Variants in RADX observed in about 807,000 individuals in gnomAD.
The protein encoded by RADX is RPA1 related single stranded DNA binding protein, X-linked.
A neutral mutation model predicts 61.6 loss-of-function variants in RADX; 36 were observed. That is an observed-to-expected ratio of 0.58 (90% CI 0.45 to 0.77). RADX has a LOEUF of 0.77. RADX is among the 30% of genes least tolerant of loss of function. RADX has a pLI of 0.00. For synonymous variants in RADX, 272 were observed against 237.9 expected, an observed-to-expected ratio of 1.14 and a Z score of -1.32; for missense variants, 497 against 651.1, an observed-to-expected ratio of 0.76 and a Z score of 2.58.
chrX:106,652,238 A>G (rs780518358), intron 11 of RADX, among the ~76,000 whole-genome samples: 54 of 111,285 alleles, frequency 4.9e-4, no homozygotes, highest in Non-Finnish European at 9.2e-4. Context: ...ACTTGAGCCC[A>G]GGAGTTTGAG....
intron 2 of RADX, among the ~76,000 whole-genome samples, chrX:106,624,591 C>G (rs1927034967): frequency 9.0e-6 from 1 of 111,468 alleles, no homozygotes; most frequent in African/African-American, 3.3e-5. Context: ...TACCTATGTT[C>G]CAGGCACATA....
chrX:106,648,351 A>G lies in RADX; in HGVS notation c.1943A>G (p.Lys648Arg). ...VPQPGASVQT[K>R]GIKPGMPSIF... ...CAACCAGGAGCTTCTGTACAAACAAAGGGAATTAAACCGGGCATGCCAAGC... is the reference window on the plus strand; with the variant it reads ...CAACCAGGAGCTTCTGTACAAACAAGGGGAATTAAACCGGGCATGCCAAGC... The change falls in exon 11 of 14, where the codon AAG (lysine) becomes AGG (arginine). Residue 648 changes from lysine to arginine, a missense_variant. By Grantham distance (26) the Lys-to-Arg change is conservative. Around this residue, in one of 3 missense-constraint regions of RADX, gnomAD observed 267 missense variants for 306.9 expected, o/e 0.87. Transcript: ENST00000372548. The G allele has an allele frequency of 8.3e-7, 1 of 1,200,396 alleles. No individual in the cohort carries two copies. Among genetic ancestry groups the G allele is most frequent in the East Asian group, 3.0e-5 (1 of 33,645 alleles).
intron 12 of RADX, among the ~76,000 whole-genome samples, chrX:106,665,999 T>C (rs1337120625): frequency 9.0e-6 from 1 of 111,358 alleles, no homozygotes; most frequent in Non-Finnish European, 1.9e-5. Flanking sequence ...AATCAATAGA[T>C]TATAACCATT....
At chrX:106,615,704 C>G (rs1926785959) in intron 1 of RADX, among the ~76,000 whole-genome samples, 1 of 104,164 alleles carries the variant, frequency 9.6e-6, no homozygotes, top group South Asian at 4.1e-4. Flanking sequence ...ATCCACAACT[C>G]TTTTTTTTTT....
chrX:106,641,392 T>C (rs113189035), intron 10 of RADX, among the ~76,000 whole-genome samples: 12,020 of 110,386 alleles, frequency 0.11, 1,624 homozygotes, highest in African/African-American at 0.38. Flanking sequence ...TCATCTAAAT[T>C]TCATATGGAT....
At chrX:106,633,845 A>G (rs1419210203) in intron 6 of RADX, among the ~76,000 whole-genome samples, 1 of 111,770 alleles carries the variant, frequency 8.9e-6, no homozygotes, top group African/African-American at 3.2e-5. Context: ...TTTATTTGAA[A>G]TTATTTTAGG....
Position 106,612,370 on chromosome X carries a change from T to C in RADX, c.290T>C (p.Val97Ala). Residue 97 changes from valine to alanine, a missense_variant, in exon 1 of 14, where the codon GTG (valine) becomes GCG (alanine). Val to Ala is a moderately conservative substitution (Grantham distance 64). Coordinates refer to ENST00000372548, the MANE Select transcript of RADX (RefSeq NM_018015.6). The stretch of plus-strand genomic sequence containing the variant: ...AAGCCTCCCCTTTATTGCTATGATG[T>C]GACGATCTCAGATGGGGTGTACCAG... ...VPKPPLYCYDVTISDGVYQEK... is the reference protein window; with the variant it reads ...VPKPPLYCYDATISDGVYQEK... 1 of 1,211,809 alleles carries C rather than the reference T, an allele frequency of 8.3e-7. No individual in the cohort carries two copies.
chrX:106,646,565 T>C (rs754139937), intron 10 of RADX, among the ~76,000 whole-genome samples: 2 of 111,336 alleles, frequency 1.8e-5, no homozygotes, highest in African/African-American at 6.5e-5. Flanking sequence ...AGTACTGTAA[T>C]AGCATATACA....
intron 7 of RADX, among the ~76,000 whole-genome samples, chrX:106,636,905 G>C (rs1050722325): frequency 6.3e-5 from 7 of 111,346 alleles, no homozygotes; most frequent in African/African-American, 2.0e-4. Context: ...TTTAATTCCT[G>C]CTTGGCATAG....
In RADX at chrX:106,678,393, G is replaced by A. The variant is rs1282102794; in HGVS notation, c.*135G>A. 9.5e-6 allele frequency: 4 copies of A among 422,408 alleles called. No individual in the cohort carries two copies. In the East Asian group the frequency reaches 1.1e-4, roughly 12 times the overall value. The allele number at this position is 422,408 out of a possible 1,213,427, so 34.8% of individuals were successfully genotyped here. On this transcript the variant is annotated 3_prime_UTR_variant, in exon 14 of 14. Coordinates refer to ENST00000372548, the MANE Select transcript of RADX (RefSeq NM_018015.6). ...CTCTAAAGTTATTAAGCAGTTTTAT[G>A]TTCGTTTTGTGTTTAGGGAGCTTTT...
intron 9 of RADX, 189 bp from the exon 10 acceptor site, chrX:106,640,363 G>T (rs1299565152): frequency 2.1e-5 from 7 of 330,671 alleles, no homozygotes; most frequent in Non-Finnish European, 3.7e-5. Flanking sequence ...ACTTTTGTTT[G>T]TCTTCCTTTT....
chrX:106,662,158 C>T lies in RADX; in HGVS notation c.2122C>T (p.Arg708Trp), dbSNP rs775530156. The T allele has an allele frequency of 5.8e-6, 7 of 1,210,518 alleles. No homozygotes were observed. The highest frequency in any genetic ancestry group is 5.6e-6 in the Non-Finnish European group (5 of 895,081). Residue 708 changes from arginine to tryptophan, a missense_variant, in exon 12 of 14, where the codon CGG (arginine) becomes TGG (tryptophan). By Grantham distance (101) the Arg-to-Trp change is moderately radical. Transcript: ENST00000372548. ...CCGTGTTTATCCTGAAAGTATTCCA[C>T]GGAAATTTATGTTTGAACACAGAAA... ...YSRVYPESIPRKFMFEHRKFL... is the reference protein window; with the variant it reads ...YSRVYPESIPWKFMFEHRKFL...
intron 12 of RADX, 145 bp from the exon 13 acceptor site, chrX:106,669,018 A>G: frequency 2.0e-6 from 1 of 502,526 alleles, no homozygotes; most frequent in South Asian, 3.1e-5. Flanking sequence ...TTGCAATACT[A>G]GGAGTTTAGT....
intron 3 of RADX, among the ~76,000 whole-genome samples, chrX:106,630,401 A>G (rs760290439): frequency 2.1e-4 from 23 of 110,745 alleles, no homozygotes; most frequent in Non-Finnish European, 2.5e-4. Context: ...ACCAAACGGC[A>G]AACACAATTC....
rs1250154668 is a variant in RADX at position 106,625,141 on chromosome X, A to C, written c.838A>C (p.Asn280His). ...AGGCACAGTGTCAGTGATTATGTGG[A>C]ATGCCCTGTGTCCTGAGTGGTATAA... Reference protein sequence around the residue: ...SSGTVSVIMWNALCPEWYKSL... With the variant: ...SSGTVSVIMWHALCPEWYKSL... The change falls in exon 3 of 14, where the codon AAT becomes CAT. Residue 280 changes from asparagine to histidine, a missense_variant. Transcript: ENST00000372548. The C allele has an allele frequency of 2.5e-6, 3 of 1,204,724 alleles. No individual in the cohort carries two copies. Among genetic ancestry groups the C allele is most frequent in the Non-Finnish European group, 3.4e-6 (3 of 892,464 alleles).
At chrX:106,642,263 C>T (rs1310308861) in intron 10 of RADX, among the ~76,000 whole-genome samples, 1 of 111,119 alleles carries the variant, frequency 9.0e-6, no homozygotes, top group Non-Finnish European at 1.9e-5. Context: ...AATCAAATTA[C>T]ACTCTTTTAG....
chrX:106,674,662 T>C (rs1928458565), intron 13 of RADX, among the ~76,000 whole-genome samples: 1 of 112,288 alleles, frequency 8.9e-6, no homozygotes, highest in Non-Finnish European at 1.9e-5. Context: ...TTGGGTGATG[T>C]TGATATGGCT....
chrX:106,620,306 A>G (rs1926914301), intron 1 of RADX, among the ~76,000 whole-genome samples: 4 of 111,494 alleles, frequency 3.6e-5, no homozygotes, highest in Admixed American at 9.5e-5. Context: ...ATAATTATAC[A>G]TATCAGTTTA....
In RADX at chrX:106,662,273, G is replaced by A. The variant is rs757628984; in HGVS notation, c.2237G>A (p.Arg746Gln). 1.7e-5 allele frequency: 20 copies of A among 1,207,303 alleles called. No individual in the cohort carries two copies. Among genetic ancestry groups the A allele is most frequent in the South Asian group, 5.3e-5 (3 of 56,460 alleles). Residue 746 changes from arginine to glutamine, a missense_variant, in exon 12 of 14, where the codon CGA becomes CAA. Around this residue, in one of 3 missense-constraint regions of RADX, gnomAD observed 267 missense variants for 306.9 expected, o/e 0.87. Coordinates refer to ENST00000372548, the MANE Select transcript of RADX (RefSeq NM_018015.6). ...AAACTTGATGATTTTAAGAGCGCCC[G>A]AAGCCTTGGACATTTTGAAGTAACC... ...PPKLDDFKSA[R>Q]SLGHFEVTIL...
Sources: gnomAD v4.1 joint callset for allele counts (sites outside exome capture counted in the v4.1 genomes callset) on GRCh38, gnomAD v4.1.1 for gene constraint, gnomAD v4.1.1 regional missense constraint, MANE v1.5 for transcripts, NCBI Gene and HGNC (gene_info 2026-07-23, HGNC 2026-07-21) for gene names.